The following NOX4 variants were observed in gnomAD, a reference collection of about 807,000 sequenced individuals.
NOX4 encodes the protein NADPH oxidase 4, also known as kidney oxidase-1.
A neutral mutation model predicts 87.6 loss-of-function variants in NOX4; 69 were observed. That is an observed-to-expected ratio of 0.79 (90% CI 0.65 to 0.96). The LOEUF (loss-of-function observed/expected upper bound fraction) is 0.96. Ranked by LOEUF, NOX4 falls within the 40% of genes least tolerant of loss-of-function variation. The pLI, the probability that NOX4 is intolerant of heterozygous loss-of-function variation, is 0.00. For synonymous variants in NOX4, 275 were observed against 238.2 expected (o/e 1.15, Z -1.42); for missense variants, 680 against 681.5 (o/e 1.00, Z 0.02).
chr11:89,422,795 A>ATTTT lies in NOX4; in HGVS notation c.549-817_549-814dup, dbSNP rs147956211. Among the ~76,000 whole-genome samples, 151 of 110,984 alleles carry ATTTT rather than the reference A, an allele frequency of 1.4e-3. 2 individuals are homozygous for ATTTT. The highest frequency in any genetic ancestry group is 7.4e-3 in the South Asian group (23 of 3,102). 72.8% of individuals were successfully genotyped at this position (110,984 alleles called of 152,430 possible). A position where few individuals can be genotyped will look rare whatever the true frequency, so the allele number is the denominator to read the frequency against. ...CCCTTGTAACATATACAAAGTTCTG[A>ATTTT]TTTTTTTTTTTTTTTTTTTTTTGAG... On this transcript the variant is annotated intron_variant, in intron 7 of 17. Transcript: ENST00000263317.
At chr11:89,506,284 GAAGA>G in the NOX4 span, among the ~76,000 whole-genome samples, 107 of 49,334 alleles carry the variant, frequency 2.2e-3, 1 homozygote, top group South Asian at 0.011. Context: ...AAAAAGAAAG[GAAGA>G]AAGAAAGAAA....
At position 89,325,115 on chromosome 11, in the gene NOX4, C is replaced by CTTTTTTTTTTTTTTTTTTTTTTT. The variant is rs141198784; in HGVS notation, c.*1618_*1640dup. 4 of 76,328 alleles carry CTTTTTTTTTTTTTTTTTTTTTTT rather than the reference C, an allele frequency of 5.2e-5. No homozygotes were observed. The highest frequency in any genetic ancestry group is 1.1e-4 in the African/African-American group (2 of 17,730). 4.7% of individuals were successfully genotyped at this position (76,328 alleles called of 1,614,324 possible). A position where few individuals can be genotyped will look rare whatever the true frequency, so the allele number is the denominator to read the frequency against. On this transcript the variant is annotated 3_prime_UTR_variant, in exon 18 of 18. Transcript: ENST00000263317. ...ACTAAACTGTATGAATGCTTTAATT[C>CTTTTTTTTTTTTTTTTTTTTTTT]TTTTTTTTTTTTTTTTTTTTTTTTT...
In NOX4 at chr11:89,337,523, G is replaced by C. The variant is rs1945768341; in HGVS notation, c.1447-8C>G. 1 of 1,610,484 alleles carries C rather than the reference G, an allele frequency of 6.2e-7. No homozygotes were observed. The highest frequency in any genetic ancestry group is 1.7e-5 in the Admixed American group (1 of 59,606). ...TCTGTTCTCTTGCCAAAACTGAGAG[G>C]ACAGAAAAAGGAATAGACTTATTAC... On this transcript the variant is annotated splice_region_variant and splice_polypyrimidine_tract_variant and intron_variant, in intron 15 of 17. Transcript: ENST00000263317.
the NOX4 span, among the ~76,000 whole-genome samples, chr11:89,575,533 G>A: frequency 0.017 from 2,552 of 152,188 alleles, 66 homozygotes; most frequent in African/African-American, 0.058. Flanking sequence ...TATATACTAC[G>A]TAAGTCATGG....
chr11:89,504,802 A>T, the NOX4 span, among the ~76,000 whole-genome samples: 1 of 152,024 alleles, frequency 6.6e-6, no homozygotes, highest in African/African-American at 2.4e-5. Flanking sequence ...AAAGAAGACA[A>T]TTGGTTTTTG....
chr11:89,415,396 A>C, intron 8 of NOX4, among the ~76,000 whole-genome samples: 1 of 152,114 alleles, frequency 6.6e-6, no homozygotes, highest in East Asian at 1.9e-4. Flanking sequence ...TTCTAACTCT[A>C]AATAAAACTG....
At chr11:89,349,254 G>T (rs768022498) in intron 13 of NOX4, among the ~76,000 whole-genome samples, 1 of 151,802 alleles carries the variant, frequency 6.6e-6, no homozygotes, top group South Asian at 2.1e-4. Flanking sequence ...ACCACTGCAC[G>T]CCAGCCTAGG....
chr11:89,419,938 T>C (rs1447468301), intron 8 of NOX4, among the ~76,000 whole-genome samples: 3 of 152,018 alleles, frequency 2.0e-5, no homozygotes, highest in African/African-American at 4.8e-5. Context: ...TAATAAATGA[T>C]TGCATTTTTA....
chr11:89,470,684 A>G (rs961670685), intron 2 of NOX4, among the ~76,000 whole-genome samples: 1 of 152,146 alleles, frequency 6.6e-6, no homozygotes, highest in African/African-American at 2.4e-5. Context: ...AAGCCACTAT[A>G]GCTTTTCTAT....
intron 11 of NOX4, 100 bp from the exon 12 acceptor site, chr11:89,373,592 A>T (rs1939620584): frequency 1.3e-6 from 1 of 765,782 alleles, no homozygotes. Context: ...CCCCATATCA[A>T]TAGATAACAG....
chr11:89,485,404 AAT>A (rs980494434), intron 2 of NOX4, among the ~76,000 whole-genome samples: 1 of 151,750 alleles, frequency 6.6e-6, no homozygotes, highest in African/African-American at 2.4e-5. Context: ...AGACACATTG[AAT>A]ATATATATAT....
chr11:89,493,390 A>G (rs1212650356), upstream of NOX4, among the ~76,000 whole-genome samples: 5 of 148,466 alleles, frequency 3.4e-5, no homozygotes, highest in African/African-American at 1.2e-4. Flanking sequence ...CTCTATCTCA[A>G]AAAAAAAAAA....
chr11:89,587,255 C>G, the NOX4 span, among the ~76,000 whole-genome samples: 65 of 152,112 alleles, frequency 4.3e-4, no homozygotes, highest in Non-Finnish European at 7.1e-4. Context: ...ACCTCGATGG[C>G]TTAGATTTCT....
At chr11:89,472,634 A>C (rs756851502) in intron 2 of NOX4, among the ~76,000 whole-genome samples, 5 of 152,178 alleles carry the variant, frequency 3.3e-5, no homozygotes, top group African/African-American at 4.8e-5. Context: ...AAGGACACAT[A>C]GCTATTACAG....
At chr11:89,538,673 A>G in the NOX4 span, among the ~76,000 whole-genome samples, 2 of 152,170 alleles carry the variant, frequency 1.3e-5, no homozygotes, top group African/African-American at 4.8e-5. Context: ...TTACTAAGTA[A>G]TAAATTTCTC....
intron 2 of NOX4, among the ~76,000 whole-genome samples, chr11:89,455,476 G>A (rs967414216): frequency 6.6e-6 from 1 of 151,892 alleles, no homozygotes; most frequent in Non-Finnish European, 1.5e-5. Context: ...CTAACACAGT[G>A]GTAGTTTTCA....
At chr11:89,545,170 C>T in the NOX4 span, 6 of 152,080 alleles carry the variant, frequency 3.9e-5, no homozygotes, top group African/African-American at 1.2e-4. Context: ...AAGTGCTGTT[C>T]CAAATGATTT....
At chr11:89,422,275 C>T (rs1943123190) in intron 7 of NOX4, among the ~76,000 whole-genome samples, 1 of 151,150 alleles carries the variant, frequency 6.6e-6, no homozygotes, top group Non-Finnish European at 1.5e-5. Context: ...GGCTAAGAAG[C>T]AGATAGTAGT....
intron 2 of NOX4, among the ~76,000 whole-genome samples, chr11:89,456,053 A>C (rs192295587): frequency 6.6e-6 from 1 of 152,144 alleles, no homozygotes; most frequent in African/African-American, 2.4e-5. Context: ...TGTATATTCC[A>C]AAATAACTAA....
Sources: gnomAD v4.1 joint callset for allele counts (sites outside exome capture counted in the v4.1 genomes callset) on GRCh38, gnomAD v4.1.1 for gene constraint, MANE v1.5 for transcripts, NCBI Gene and HGNC (gene_info 2026-07-23, HGNC 2026-07-21) for gene names.